Variants in IQCJ observed in about 807,000 individuals in gnomAD.
The protein encoded by IQCJ is IQ domain-containing protein J.
In IQCJ, 9 loss-of-function variants were observed where a neutral mutation model predicts 11.0. That is an observed-to-expected ratio of 0.82 (90% CI 0.49 to 1.43). IQCJ has a LOEUF of 1.43. Ranked by LOEUF, IQCJ falls within the 40% of genes most tolerant of loss-of-function variation. IQCJ has a pLI of 0.00. For missense variants in IQCJ, 146 were observed against 133.2 expected, an observed-to-expected ratio of 1.10 and a Z score of -0.47; for synonymous variants, 55 against 51.3, an observed-to-expected ratio of 1.07 and a Z score of -0.31.
Position 159,183,995 on chromosome 3 carries a change from A to G in IQCJ, c.10-61848A>G, listed in dbSNP as rs140151875. ...TTGCCTCTCTACAATCTAGTTGCCCACGCAGCAGCCAGAGATCTTTGTAAA... is the reference window on the plus strand; with the variant it reads ...TTGCCTCTCTACAATCTAGTTGCCCGCGCAGCAGCCAGAGATCTTTGTAAA... On this transcript the variant is annotated intron_variant, in intron 1 of 3. Coordinates refer to ENST00000397832, the MANE Select transcript of IQCJ (RefSeq NM_001042706.3). 1.3e-3 allele frequency among the ~76,000 whole-genome samples: 201 copies of G among 151,450 alleles called. 1 individual carries two copies. Among genetic ancestry groups the G allele is most frequent in the African/African-American group, 4.7e-3 (192 of 41,186 alleles).
At chr3:159,249,882 G>A (rs957738758) in intron 2 of IQCJ, among the ~76,000 whole-genome samples, 5 of 135,924 alleles carry the variant, frequency 3.7e-5, no homozygotes, top group African/African-American at 1.4e-4. Context: ...CATTGGCAGA[G>A]CCAATCAAGT....
chr3:159,091,785 A>G (rs76877922), intron 1 of IQCJ, among the ~76,000 whole-genome samples: 4,843 of 151,550 alleles, frequency 0.032, 363 homozygotes, highest in African/African-American at 0.11. Context: ...ATGGCACTAA[A>G]ATATTGTAAC....
rs1469764749 is a variant in IQCJ, at chr3:159,084,068, AACTGGTGAAAC to A, written c.9+14628_9+14638del. Among the ~76,000 whole-genome samples, 4 of 152,218 alleles carry A rather than the reference AACTGGTGAAAC, an allele frequency of 2.6e-5. No individual in the cohort carries two copies. In the East Asian group the frequency reaches 7.7e-4, roughly 29 times the overall value. On this transcript the variant is annotated intron_variant, in intron 1 of 3. Transcript: ENST00000397832. ...ACGCACACATATACAGTGCGTGTAA[AACTGGTGAAAC>A]TTGATTAAGCTTGGTGGATTGTATC...
At chr3:159,077,466 A>G (rs1016833642) in intron 1 of IQCJ, among the ~76,000 whole-genome samples, 2 of 152,156 alleles carry the variant, frequency 1.3e-5, no homozygotes, top group Non-Finnish European at 2.9e-5. Context: ...TCAGCCAGAG[A>G]AAAATATTGA....
intron 1 of IQCJ, among the ~76,000 whole-genome samples, chr3:159,104,069 A>G (rs529029811): frequency 1.3e-5 from 2 of 152,334 alleles, no homozygotes; most frequent in South Asian, 2.1e-4. Context: ...TAGTTTAGAA[A>G]TGAGCAAAGC....
chr3:159,230,729 A>G (rs13069702), intron 1 of IQCJ, among the ~76,000 whole-genome samples: 1 of 152,228 alleles, frequency 6.6e-6, no homozygotes, highest in African/African-American at 2.4e-5. Context: ...AACTTTATCC[A>G]TTGTAAATAG....
rs560201753 is a variant in IQCJ at position 159,147,691 on chromosome 3, C to T, written c.9+78250C>T. Among the ~76,000 whole-genome samples the T allele has an allele frequency of 2.3e-4, 35 of 152,170 alleles. 1 individual carries two copies. In the South Asian group the frequency reaches 5.4e-3, roughly 23 times the overall value. ...AATATTACAAAGCAATTACTGTTACCGAACTTTTTTATCAATCATCTCAGT... is the reference window on the plus strand; with the variant it reads ...AATATTACAAAGCAATTACTGTTACTGAACTTTTTTATCAATCATCTCAGT... On this transcript the variant is annotated intron_variant, in intron 1 of 3. Transcript: ENST00000397832.
At position 159,149,845 on chromosome 3, in the gene IQCJ, T is replaced by G. The variant is rs563441092; in HGVS notation, c.9+80404T>G. Among the ~76,000 whole-genome samples, 3 of 152,258 alleles carry G rather than the reference T, an allele frequency of 2.0e-5. No homozygotes were observed. In the East Asian group the frequency reaches 5.8e-4, roughly 29 times the overall value. On this transcript the variant is annotated intron_variant, in intron 1 of 3. Transcript: ENST00000397832. ...GAAAAACAAGGCTCTTTAGGGAGGC[T>G]TCCAAGGGCAGGGAGGTGTGTTCCC... is the stretch of plus-strand genomic sequence containing the variant.
chr3:159,264,976 C>T (rs1180407869), downstream of IQCJ, among the ~76,000 whole-genome samples: 2 of 151,472 alleles, frequency 1.3e-5, no homozygotes, highest in Admixed American at 6.6e-5. Flanking sequence ...AGCAAGCAGG[C>T]CCTGCCCAGA....
At chr3:159,083,339 G>A (rs919122045) in intron 1 of IQCJ, among the ~76,000 whole-genome samples, 8 of 152,050 alleles carry the variant, frequency 5.3e-5, no homozygotes, top group African/African-American at 1.9e-4. Flanking sequence ...ATATATAGAT[G>A]GCAGATAAGC....
intron 1 of IQCJ, among the ~76,000 whole-genome samples, chr3:159,181,708 T>C (rs1723101309): frequency 6.6e-6 from 1 of 151,752 alleles, no homozygotes; most frequent in Non-Finnish European, 1.5e-5. Flanking sequence ...CCTTCTAGAA[T>C]CCTTCCACAT....
At chr3:159,249,133 G>T (rs1727445245) in intron 2 of IQCJ, among the ~76,000 whole-genome samples, 1 of 152,312 alleles carries the variant, frequency 6.6e-6, no homozygotes, top group South Asian at 2.1e-4. Context: ...TGGGATTACA[G>T]ACGTGAGCCA....
chr3:159,220,305 T>C lies in IQCJ; in HGVS notation c.10-25538T>C, dbSNP rs562050320. 9.7e-4 allele frequency among the ~76,000 whole-genome samples: 147 copies of C among 152,078 alleles called. 2 individuals are homozygous for C. The highest frequency in any genetic ancestry group is 1.9e-3 in the Non-Finnish European group (131 of 68,012). The stretch of plus-strand genomic sequence containing the variant: ...TCCAGTACCTTAGAATGTGACTGTA[T>C]TTGGAGATAGAGCCTTTAAATAGGT... On this transcript the variant is annotated intron_variant, in intron 1 of 3. Coordinates refer to ENST00000397832, the MANE Select transcript of IQCJ (RefSeq NM_001042706.3).
chr3:159,135,716 G>A (rs1465887681), intron 1 of IQCJ, among the ~76,000 whole-genome samples: 9 of 152,096 alleles, frequency 5.9e-5, no homozygotes, highest in Non-Finnish European at 1.3e-4. Flanking sequence ...TTCTTTCGCT[G>A]GCCATACCAA....
chr3:159,162,706 A>C (rs1423376201), intron 1 of IQCJ, among the ~76,000 whole-genome samples: 1 of 152,226 alleles, frequency 6.6e-6, no homozygotes, highest in Non-Finnish European at 1.5e-5. Context: ...AGAGAGAAGA[A>C]TCAAATAGAC....
At chr3:159,094,736 C>T (rs1717608673) in intron 1 of IQCJ, among the ~76,000 whole-genome samples, 1 of 151,726 alleles carries the variant, frequency 6.6e-6, no homozygotes, top group South Asian at 2.1e-4. Flanking sequence ...TCTATCAGGT[C>T]TTAACTTCAT....
At chr3:159,197,715 A>T (rs1330716883) in intron 1 of IQCJ, among the ~76,000 whole-genome samples, 3 of 152,010 alleles carry the variant, frequency 2.0e-5, no homozygotes, top group African/African-American at 7.2e-5. Flanking sequence ...ATTAAGAGAG[A>T]TGGGGGAACT....
chr3:159,147,554 C>T (rs1391777786), intron 1 of IQCJ, among the ~76,000 whole-genome samples: 1 of 152,166 alleles, frequency 6.6e-6, no homozygotes, highest in African/African-American at 2.4e-5. Context: ...AAACATCCTG[C>T]GAACTGATTG....
At chr3:159,131,316 C>A (rs1002135153) in intron 1 of IQCJ, among the ~76,000 whole-genome samples, 2 of 152,052 alleles carry the variant, frequency 1.3e-5, no homozygotes, top group African/African-American at 4.8e-5. Context: ...GCCTCACCCC[C>A]ACCCAAGTCC....
Sources: allele counts gnomAD v4.1 joint callset (sites outside exome capture counted in the v4.1 genomes callset), GRCh38; gene constraint gnomAD v4.1.1; transcripts MANE v1.5; gene names NCBI Gene and HGNC (gene_info 2026-07-23, HGNC 2026-07-21).